SH3BP2: variants seen among roughly 807,000 people sequenced by gnomAD.
SH3BP2 encodes the protein SH3 domain-binding protein 2.
SH3BP2 carries 38 observed loss-of-function variants against 56.2 expected under a neutral mutation model. That is an observed-to-expected ratio of 0.68 (90% confidence interval 0.52 to 0.89). The LOEUF (loss-of-function observed/expected upper bound fraction) is 0.89. SH3BP2 is among the 40% of genes least tolerant of loss of function. SH3BP2 has a pLI of 0.00. For synonymous variants in SH3BP2, 346 were observed against 316.7 expected, an observed-to-expected ratio of 1.09 and a Z score of -0.98; for missense variants, 748 against 762.6, an observed-to-expected ratio of 0.98 and a Z score of 0.23.
intron 5 of SH3BP2, among the ~76,000 whole-genome samples, chr4:2,825,489 G>C (rs112770287): frequency 0.11 from 14,775 of 137,288 alleles, 1,400 homozygotes; most frequent in African/African-American, 0.23. Context: ...CACACACACA[G>C]AGCAACACGT....
intron 5 of SH3BP2, chr4:2,826,351 T>G (rs1399515027): frequency 6.2e-6 from 1 of 162,362 alleles, no homozygotes; most frequent in Non-Finnish European, 1.3e-5. Flanking sequence ...TGTGCATGTC[T>G]GCGTGTTGCT....
At chr4:2,819,838 A>G (rs1724205109) in intron 1 of SH3BP2, among the ~76,000 whole-genome samples, 1 of 151,094 alleles carries the variant, frequency 6.6e-6, no homozygotes, top group African/African-American at 2.4e-5. Context: ...TATCTCAAGG[A>G]GAGCAGCTGG....
intron 5 of SH3BP2, among the ~76,000 whole-genome samples, chr4:2,826,016 T>C (rs535229334): frequency 6.6e-6 from 1 of 152,264 alleles, no homozygotes; most frequent in East Asian, 1.9e-4. Flanking sequence ...AAGGCTGCCC[T>C]GCAGGTCCCT....
rs1201879801 is a variant in SH3BP2, at chr4:2,812,455, A to C, written c.-4-8159A>C. ...GAGCAGGTCACGAGGACGGAGGGCCATGTGTTGGGTCAGCACCATCAGGTC... is the reference window on the plus strand; with the variant it reads ...GAGCAGGTCACGAGGACGGAGGGCCCTGTGTTGGGTCAGCACCATCAGGTC... On this transcript the variant is annotated intron_variant, in intron 1 of 12. Transcript: ENST00000503393. 3 of 1,550,066 alleles carry C rather than the reference A, an allele frequency of 1.9e-6. No individual in the cohort carries two copies. In the East Asian group the frequency reaches 7.3e-5, roughly 38 times the overall value.
chr4:2,812,352 A>C, intron 1 of SH3BP2: 1 of 1,550,144 alleles, frequency 6.5e-7, no homozygotes, highest in Non-Finnish European at 8.7e-7. Context: ...CAGGCCTCAC[A>C]TGTCTGGGAG....
chr4:2,804,882 C>T lies in SH3BP2; in HGVS notation c.-5+11744C>T, dbSNP rs116022826. ...TAGCCACGCTGGCTGGGTAGCCAAG[C>T]GTTGCAGCTCACTCAGCCTCGAGGT... is the stretch of plus-strand genomic sequence containing the variant. On this transcript the variant is annotated intron_variant, in intron 1 of 12. Transcript: ENST00000503393. Among the ~76,000 whole-genome samples the T allele has an allele frequency of 1.9e-3, 284 of 152,376 alleles. 4 individuals are homozygous for T. Among genetic ancestry groups the T allele is most frequent in the African/African-American group, 6.6e-3 (274 of 41,590 alleles).
rs765618764 is a variant in SH3BP2 at position 2,829,963 on chromosome 4, C to T, written c.1057C>T (p.Pro353Ser). ...ACCCACATCTGAGCCCCCACCTGTG[C>T]CAGCCAACAAGCCCAAGTTCCTGAA... ...GPPTSEPPPV[P>S]ANKPKFLKIA... The change falls in exon 8 of 13, where the codon CCA becomes TCA. Residue 353 changes from proline to serine, a missense_variant. Transcript: ENST00000503393. This position sits in a 1 kb window ranked among gnomAD's most constrained non-coding sequence, Gnocchi z 4.9. 3 of 1,613,488 alleles carry T rather than the reference C, an allele frequency of 1.9e-6. No individual in the cohort carries two copies. The highest frequency in any genetic ancestry group is 2.5e-6 in the Non-Finnish European group (3 of 1,179,970).
intron 1 of SH3BP2, among the ~76,000 whole-genome samples, chr4:2,800,790 T>C (rs1351220580): frequency 6.6e-6 from 1 of 151,530 alleles, no homozygotes; most frequent in African/African-American, 2.4e-5. Flanking sequence ...GCATTGGGGG[T>C]GTCTTGGGGT....
Position 2,824,747 on chromosome 4 carries a change from G to A in SH3BP2, c.357+17G>A, listed in dbSNP as rs370698624. 84 of 1,572,088 alleles carry A rather than the reference G, an allele frequency of 5.3e-5. No homozygotes were observed. The highest frequency in any genetic ancestry group is 6.6e-5 in the Non-Finnish European group (75 of 1,142,842). On this transcript the variant is annotated intron_variant, in intron 4 of 12. Transcript: ENST00000503393. ...GAGCGCAAGGTGACTGGGGGTCCGA[G>A]GACGAGTGCAAGGTGACTGGGGGTG...
intron 1 of SH3BP2, among the ~76,000 whole-genome samples, chr4:2,815,972 T>C (rs1723975379): frequency 6.6e-6 from 1 of 152,228 alleles, no homozygotes; most frequent in African/African-American, 2.4e-5. Context: ...CCTTTCATTT[T>C]TGGATTGTTG....
In SH3BP2 at chr4:2,819,067, A is replaced by G. The variant is rs556344431; in HGVS notation, c.-4-1547A>G. 1.1e-4 allele frequency: 19 copies of G among 180,320 alleles called. No homozygotes were observed. The South Asian group carries it at 1.5e-3, about 14-fold the overall frequency. 11.2% of individuals were successfully genotyped at this position (180,320 alleles called of 1,614,324 possible). On this transcript the variant is annotated intron_variant, in intron 1 of 12. Coordinates refer to ENST00000503393, the MANE Select transcript of SH3BP2 (RefSeq NM_001122681.2). ...CCTGGATAAGCCTCCTCCGGGTACT[A>G]TAGGTGTGCACCACCAAGCTCAGCT...
intron 1 of SH3BP2, chr4:2,798,492 G>A (rs1321297632): frequency 6.6e-6 from 1 of 152,384 alleles, no homozygotes. Context: ...GAGGAGGCAG[G>A]CCAGGAAACT....
At chr4:2,795,705 A>G (rs1445606635) in intron 1 of SH3BP2, among the ~76,000 whole-genome samples, 1 of 152,224 alleles carries the variant, frequency 6.6e-6, no homozygotes, top group African/African-American at 2.4e-5. Context: ...ATGCAGGTAC[A>G]GACAGACTAA....
chr4:2,805,113 T>C (rs561411169), intron 1 of SH3BP2, among the ~76,000 whole-genome samples: 1 of 152,300 alleles, frequency 6.6e-6, no homozygotes, highest in East Asian at 1.9e-4. Context: ...GTCCCACGCA[T>C]CCCAGGAGGG....
At chr4:2,822,866 G>A (rs1724382810) in intron 2 of SH3BP2, 69 bp from the exon 3 acceptor site, 2 of 1,192,588 alleles carry the variant, frequency 1.7e-6, no homozygotes, top group Non-Finnish European at 2.5e-6. Flanking sequence ...GTCCTGTGGA[G>A]GGTCCTCACA....
intron 1 of SH3BP2, chr4:2,799,126 C>T (rs1577333590): frequency 3.0e-6 from 3 of 985,646 alleles, no homozygotes; most frequent in Non-Finnish European, 3.6e-6. Flanking sequence ...CTCAGGACTT[C>T]GTTCCTGCTG....
At chr4:2,823,763 A>C (rs1288236576) in intron 3 of SH3BP2, among the ~76,000 whole-genome samples, 2 of 152,240 alleles carry the variant, frequency 1.3e-5, no homozygotes, top group African/African-American at 4.8e-5. Flanking sequence ...CCTGCCTATG[A>C]GGAACCAAGG....
chr4:2,833,328 G>T, intron 12 of SH3BP2: 1 of 581,858 alleles, frequency 1.7e-6, no homozygotes, highest in Non-Finnish European at 3.1e-6. Flanking sequence ...TGCGGGGACA[G>T]GGGTCTCACT....
At chr4:2,818,319 G>T in intron 1 of SH3BP2, 8 of 1,126,038 alleles carry the variant, frequency 7.1e-6, no homozygotes, top group Non-Finnish European at 7.6e-6. Flanking sequence ...GCCCGGGGCC[G>T]TGCCGGTGCT....
Sources: allele counts gnomAD v4.1 joint callset (sites outside exome capture counted in the v4.1 genomes callset), GRCh38; gene constraint gnomAD v4.1.1; non-coding constraint Gnocchi (gnomAD v3.1); transcripts MANE v1.5; gene names NCBI Gene and HGNC (gene_info 2026-07-23, HGNC 2026-07-21).